GIGYF1: variants seen among roughly 807,000 people sequenced by gnomAD.
GIGYF1 encodes the protein GRB10-interacting GYF protein 1.
A neutral mutation model predicts 147.1 loss-of-function variants in GIGYF1; 84 were observed. That is an observed-to-expected ratio of 0.57 (90% CI 0.48 to 0.68). GIGYF1 has a LOEUF of 0.68. Ranked by LOEUF, GIGYF1 falls within the 30% of genes least tolerant of loss-of-function variation. The pLI, the probability that GIGYF1 is intolerant of heterozygous loss-of-function variation, is 0.00. For missense variants in GIGYF1, 1,485 were observed against 1,393.7 expected (o/e 1.07, Z -1.04); for synonymous variants, 752 against 589.5 (o/e 1.28, Z -3.99).
intron 6 of GIGYF1, 58 bp from the exon 7 acceptor site, chr7:100,687,674 C>T (rs1562883135): frequency 2.1e-6 from 3 of 1,430,356 alleles, no homozygotes; most frequent in East Asian, 2.4e-5. Context: ...CCTCCACCCC[C>T]ACCCCACAGC....
rs1584498372 is a variant in GIGYF1 at position 100,685,417 on chromosome 7, G to C, written c.1119C>G (p.Pro373=). The C allele has an allele frequency of 6.3e-7, 1 of 1,588,092 alleles. No homozygotes were observed. Among genetic ancestry groups the C allele is most frequent in the African/African-American group, 1.4e-5 (1 of 72,996 alleles). Residue 373 remains proline, a synonymous_variant, in exon 13 of 27, where the codon CCC becomes CCG. Transcript: ENST00000678049. ...EEKSSSPSPL[P]TLGPLWGTNG... ...TTGTCCCCCAGAGTGGGCCCAGGGTGGGCAGTGGGGATGGGGAGCTGGACT... is the reference window on the plus strand; with the variant it reads ...TTGTCCCCCAGAGTGGGCCCAGGGTCGGCAGTGGGGATGGGGAGCTGGACT...
intron 1 of GIGYF1, among the ~76,000 whole-genome samples, chr7:100,693,522 T>A (rs1805985600): frequency 6.6e-6 from 1 of 152,056 alleles, no homozygotes; most frequent in Non-Finnish European, 1.5e-5. Flanking sequence ...CCAGGCGAGG[T>A]GCCTGGGTGG....
rs12531792 is a variant in GIGYF1, at chr7:100,683,001, G to A, written c.2412+11C>T. On this transcript the variant is annotated intron_variant, in intron 22 of 26. Coordinates refer to ENST00000678049, the MANE Select transcript of GIGYF1 (RefSeq NM_001375765.1). ...TGTAGGGGGAGCCCGGGAGGTTCCC[G>A]GCCTGCTCACCACTCGGTGGTTGGG... 339,841 of 1,496,970 alleles carry A rather than the reference G, an allele frequency of 0.23. 40,281 individuals carry two copies. The highest frequency in any genetic ancestry group is 0.25 in the Non-Finnish European group (277,161 of 1,124,992). 92.7% of individuals were successfully genotyped at this position (1,496,970 alleles called of 1,614,324 possible). A position where few individuals can be genotyped will look rare whatever the true frequency, so the allele number is the denominator to read the frequency against.
intron 1 of GIGYF1, among the ~76,000 whole-genome samples, chr7:100,689,850 G>A (rs1805685182): frequency 6.6e-6 from 1 of 152,320 alleles, no homozygotes; most frequent in Admixed American, 6.5e-5. Context: ...TGAGCCTTGA[G>A]GACATCACGC....
chr7:100,684,410 C>A, intron 16 of GIGYF1, 40 bp downstream of exon 16: 1 of 1,609,006 alleles, frequency 6.2e-7, no homozygotes. Flanking sequence ...GCCGGCACCC[C>A]TCACACCCTG....
At chr7:100,687,195 G>T in intron 8 of GIGYF1, 103 bp downstream of exon 8, 2 of 1,454,144 alleles carry the variant, frequency 1.4e-6, no homozygotes, top group Non-Finnish European at 1.9e-6. Flanking sequence ...CGGGATCTCG[G>T]ACAGGGCTTA....
intron 12 of GIGYF1, among the ~76,000 whole-genome samples, chr7:100,685,693 A>G (rs1028855719): frequency 3.9e-5 from 6 of 152,110 alleles, no homozygotes; most frequent in African/African-American, 1.4e-4. Context: ...ATATCACAAC[A>G]TCGCACAACA....
Position 100,688,206 on chromosome 7 carries a change from C to G in GIGYF1, c.33G>C (p.Glu11Asp). MAAETLNFGP[E>D]WLRALSGGGS... The stretch of plus-strand genomic sequence containing the variant: ...CAGCCGAGGCACAAGTGACTCACCA[C>G]TCAGGCCCAAAGTTGAGTGTCTCTG... The change falls in exon 4 of 27, where the codon GAG (glutamate) becomes GAC (aspartate). Residue 11 changes from glutamate (E) to aspartate (D), a missense_variant and splice_region_variant. By Grantham distance (45) the Glu-to-Asp change is conservative. Coordinates refer to ENST00000678049, the MANE Select transcript of GIGYF1 (RefSeq NM_001375765.1). 1.2e-6 allele frequency: 2 copies of G among 1,612,356 alleles called. No individual in the cohort carries two copies. The highest frequency in any genetic ancestry group is 1.7e-6 in the Non-Finnish European group (2 of 1,179,402).
Position 100,684,622 on chromosome 7 carries a change from C to G in GIGYF1, c.1463-6G>C. 2 of 1,614,116 alleles carry G rather than the reference C, an allele frequency of 1.2e-6. No individual in the cohort carries two copies. The highest frequency in any genetic ancestry group is 1.7e-5 in the Admixed American group (1 of 60,028). Reference sequence around the variant, plus strand: ...CTCCTGTGTCGTGAAGGGGCCTGGACAGGGAGCGAGGGAGCGGGAGAACCA... The same window carrying G: ...CTCCTGTGTCGTGAAGGGGCCTGGAGAGGGAGCGAGGGAGCGGGAGAACCA... On this transcript the variant is annotated splice_polypyrimidine_tract_variant and splice_region_variant and intron_variant, in intron 15 of 26. Coordinates refer to ENST00000678049, the MANE Select transcript of GIGYF1 (RefSeq NM_001375765.1).
rs1805326410 is a variant in GIGYF1, at chr7:100,686,259, C to T, written c.869G>A (p.Gly290Glu). The change falls in exon 11 of 27, where the codon GGG (glycine) becomes GAG (glutamate). Residue 290 changes from glycine to glutamate, a missense_variant. By Grantham distance (98) the Gly-to-Glu change is moderately conservative. Transcript: ENST00000678049. Reference protein sequence around the residue: ...APEGFEEDKDGLPEWCLDDED... With the variant: ...APEGFEEDKDELPEWCLDDED... ...ATCGTCCAGGCACCACTCTGGGAGC[C>T]CATCCTTGTCCTCCTCAAAGCCTTC... 2 of 1,614,082 alleles carry T rather than the reference C, an allele frequency of 1.2e-6. No homozygotes were observed. The highest frequency in any genetic ancestry group is 1.7e-6 in the Non-Finnish European group (2 of 1,180,008).
intron 19 of GIGYF1, 24 bp downstream of exon 19, chr7:100,683,794 G>T (rs779546140): frequency 4.4e-6 from 7 of 1,576,526 alleles, no homozygotes; most frequent in Middle Eastern, 1.7e-4. Context: ...TGCCTTGGGG[G>T]TGGGGACCAG....
At chr7:100,685,555 T>G in intron 12 of GIGYF1, 74 bp from the exon 13 acceptor site, 1 of 1,544,882 alleles carries the variant, frequency 6.5e-7, no homozygotes, top group Non-Finnish European at 8.7e-7. Context: ...AGCCCTTGAG[T>G]GTGGCTGGAA....
chr7:100,684,773 T>G lies in GIGYF1; in HGVS notation c.1412A>C (p.His471Pro), dbSNP rs1185057890. The G allele has an allele frequency of 6.2e-7, 1 of 1,612,482 alleles. No individual in the cohort carries two copies. Among genetic ancestry groups the G allele is most frequent in the Non-Finnish European group, 8.5e-7 (1 of 1,179,548 alleles). Reference protein sequence around the residue: ...SAAATALPLSHGAARKWFYKD... With the variant: ...SAAATALPLSPGAARKWFYKD... ...GTAGAACCACTTCCGGGCAGCCCCA[T>G]GGCTGAGCGGGAGGGCAGTGGCGGC... The change falls in exon 15 of 27, where the codon CAT becomes CCT. Residue 471 changes from histidine to proline, a missense_variant. Transcript: ENST00000678049.
chr7:100,681,673 T>C lies in GIGYF1; in HGVS notation c.*46A>G. 6.6e-7 allele frequency: 1 copy of C among 1,508,574 alleles called. No individual in the cohort carries two copies. Among genetic ancestry groups the C allele is most frequent in the Middle Eastern group, 2.0e-4 (1 of 4,968 alleles). The allele number at this position is 1,508,574 out of a possible 1,614,324, so 93.4% of individuals were successfully genotyped here. ...GGCTGGGACCCTCGGTCCACGCCGC[T>C]GTGGCTGCCCTGGCCTACAGCCCAG... is the stretch of plus-strand genomic sequence containing the variant. On this transcript the variant is annotated 3_prime_UTR_variant, in exon 27 of 27. Coordinates refer to ENST00000678049, the MANE Select transcript of GIGYF1 (RefSeq NM_001375765.1).
rs1174756675 is a variant in GIGYF1 at position 100,685,424 on chromosome 7, G to A, written c.1112C>T (p.Pro371Leu). ...CCAGAGTGGGCCCAGGGTGGGCAGT[G>A]GGGATGGGGAGCTGGACTTCTCCTC... ...PQEEKSSSPS[P>L]LPTLGPLWGT... The change falls in exon 13 of 27, where the codon CCA becomes CTA. Residue 371 changes from proline to leucine, a missense_variant. Coordinates refer to ENST00000678049, the MANE Select transcript of GIGYF1 (RefSeq NM_001375765.1). The A allele has an allele frequency of 6.3e-7, 1 of 1,588,308 alleles. No individual in the cohort carries two copies. The highest frequency in any genetic ancestry group is 1.4e-5 in the African/African-American group (1 of 73,020).
Position 100,686,980 on chromosome 7 carries a change from G to A in GIGYF1, c.523+26C>T, listed in dbSNP as rs370721519. 4.5e-5 allele frequency: 72 copies of A among 1,613,322 alleles called. No homozygotes were observed. In the Middle Eastern group the frequency reaches 4.9e-4, roughly 11 times the overall value. On this transcript the variant is annotated intron_variant, in intron 9 of 26. Transcript: ENST00000678049. ...CCATCTTGGTCCTCCCTGCCGCCCCGGCCGCCGCCCTCAGCAGCCTCGTAC... is the reference window on the plus strand; with the variant it reads ...CCATCTTGGTCCTCCCTGCCGCCCCAGCCGCCGCCCTCAGCAGCCTCGTAC...
In GIGYF1 at chr7:100,681,612, CCTGCCTCTT is replaced by C. The variant is rs1804774172; in HGVS notation, c.*98_*106del. On this transcript the variant is annotated 3_prime_UTR_variant, in exon 27 of 27. Transcript: ENST00000678049. ...TGTAACAAGTGCTGGGGACCCCGCC[CCTGCCTCTT>C]CCTGTGCTCTCTGCGGGGAGCCTGC... 6.6e-6 allele frequency: 7 copies of C among 1,067,090 alleles called. No individual in the cohort carries two copies. Among genetic ancestry groups the C allele is most frequent in the Admixed American group, 3.0e-5 (1 of 33,630 alleles). The allele number at this position is 1,067,090 out of a possible 1,614,324, so 66.1% of individuals were successfully genotyped here.
Position 100,681,521 on chromosome 7 carries a change from A to AG in GIGYF1, c.*197dup, listed in dbSNP as rs1804757601. 1.4e-5 allele frequency: 6 copies of AG among 421,740 alleles called. No individual in the cohort carries two copies. The East Asian group carries it at 1.7e-4, about 12-fold the overall frequency. The allele number at this position is 421,740 out of a possible 1,614,324, so 26.1% of individuals were successfully genotyped here. On this transcript the variant is annotated 3_prime_UTR_variant, in exon 27 of 27. Transcript: ENST00000678049. ...TTTAAAATTAAAAAAAAAAATAAAA[A>AG]GAAAAACCCCCTCCCCCAGTCTGTA...
intron 13 of GIGYF1, 96 bp from the exon 14 acceptor site, chr7:100,685,242 G>A (rs1408328669): frequency 1.3e-6 from 2 of 1,521,498 alleles, no homozygotes; most frequent in African/African-American, 1.4e-5. Flanking sequence ...TCTTGCCATG[G>A]CTCCTCAATG....
Sources: allele counts gnomAD v4.1 joint callset (sites outside exome capture counted in the v4.1 genomes callset), GRCh38; gene constraint gnomAD v4.1.1; transcripts MANE v1.5; gene names NCBI Gene and HGNC (gene_info 2026-07-23, HGNC 2026-07-21).